Variants in KATNIP observed in about 807,000 individuals in gnomAD.
KATNIP encodes the protein katanin-interacting protein.
In KATNIP, 126 loss-of-function variants were observed where a neutral mutation model predicts 174.0. The observed-to-expected ratio is 0.72, with a 90% CI of 0.63 to 0.84. The LOEUF is 0.84. Ranked by LOEUF, KATNIP falls within the 40% of genes least tolerant of loss-of-function variation. The pLI, the probability that KATNIP is intolerant of heterozygous loss-of-function variation, is 0.00. For synonymous variants in KATNIP, 810 were observed against 835.7 expected, an observed-to-expected ratio of 0.97 and a Z score of 0.53; for missense variants, 1,958 against 2,109.7, an observed-to-expected ratio of 0.93 and a Z score of 1.41.
At chr16:27,587,023 G>T (rs1365666956) in intron 2 of KATNIP, among the ~76,000 whole-genome samples, 1 of 151,372 alleles carries the variant, frequency 6.6e-6, no homozygotes, top group Non-Finnish European at 1.5e-5. Context: ...CACTGAGGTG[G>T]AACGGTCCCG....
intron 6 of KATNIP, among the ~76,000 whole-genome samples, chr16:27,649,075 G>A (rs2077047656): frequency 6.6e-6 from 1 of 152,252 alleles, no homozygotes; most frequent in Non-Finnish European, 1.5e-5. Flanking sequence ...TTCCTAGAGG[G>A]AGTGACTTTT....
chr16:27,771,669 G>A lies in KATNIP; in HGVS notation c.4198+17G>A, dbSNP rs750069454. ...CCTGTGGCTGTATCCTTCTCCTCCC[G>A]CCCCACCAGCACATTCTGGGCCCCG... On this transcript the variant is annotated intron_variant, in intron 22 of 27. Coordinates refer to ENST00000261588, the MANE Select transcript of KATNIP (RefSeq NM_015202.5). 21 of 1,611,716 alleles carry A rather than the reference G, an allele frequency of 1.3e-5. No individual in the cohort carries two copies. Among genetic ancestry groups the A allele is most frequent in the South Asian group, 6.6e-5 (6 of 90,712 alleles).
chr16:27,639,449 G>A (rs1017841165), intron 5 of KATNIP, among the ~76,000 whole-genome samples: 1 of 152,218 alleles, frequency 6.6e-6, no homozygotes, highest in Admixed American at 6.5e-5. Flanking sequence ...GTGGACAGCG[G>A]CCTAATCAAC....
intron 6 of KATNIP, among the ~76,000 whole-genome samples, chr16:27,676,410 G>T (rs984222358): frequency 3.3e-5 from 5 of 152,114 alleles, no homozygotes; most frequent in Admixed American, 1.3e-4. Context: ...CTCTAAGATG[G>T]TAAAAGTGTT....
At chr16:27,655,220 ATATATAT>A (rs1567260146) in intron 6 of KATNIP, among the ~76,000 whole-genome samples, 2 of 91,660 alleles carry the variant, frequency 2.2e-5, no homozygotes, top group Non-Finnish European at 4.4e-5. Context: ...ATATATATAT[ATATATAT>A]ATTTTGTTTG....
chr16:27,725,684 A>G (rs1449872256), intron 14 of KATNIP, among the ~76,000 whole-genome samples: 2 of 152,128 alleles, frequency 1.3e-5, no homozygotes, highest in Non-Finnish European at 1.5e-5. Context: ...ACTCATCCAA[A>G]AAGTGGGCTT....
chr16:27,618,371 C>T (rs1317290239), intron 2 of KATNIP, 54 bp from the exon 3 acceptor site: 1 of 1,388,444 alleles, frequency 7.2e-7, no homozygotes, highest in African/African-American at 1.4e-5. Context: ...CCTGCACTCT[C>T]AGTCAGTGCT....
chr16:27,680,669 C>T (rs763005726), intron 7 of KATNIP, among the ~76,000 whole-genome samples: 17 of 142,892 alleles, frequency 1.2e-4, no homozygotes, highest in Non-Finnish European at 2.2e-4. Flanking sequence ...ACTACAAGCA[C>T]GTGCCAACAC....
rs943850372 is a variant in KATNIP, at chr16:27,699,663, G to A, written c.1179+64G>A. The A allele has an allele frequency of 4.4e-6, 7 of 1,608,110 alleles. No homozygotes were observed. In the African/African-American group the frequency reaches 9.3e-5, roughly 21 times the overall value. ...ATGTGCGTAGCTCCCGATGGTGCCA[G>A]GCAGAGATGAATGACAAAGCCCTAT... On this transcript the variant is annotated intron_variant, in intron 10 of 27. Coordinates refer to ENST00000261588, the MANE Select transcript of KATNIP (RefSeq NM_015202.5).
At chr16:27,632,955 G>T (rs1313187562) in intron 5 of KATNIP, among the ~76,000 whole-genome samples, 1 of 152,044 alleles carries the variant, frequency 6.6e-6, no homozygotes, top group East Asian at 1.9e-4. Context: ...TCACCATGTT[G>T]GCCAGGGTGG....
chr16:27,649,673 C>A (rs1423414978), intron 6 of KATNIP, among the ~76,000 whole-genome samples: 1 of 152,062 alleles, frequency 6.6e-6, no homozygotes. Context: ...TCTTAAGCAA[C>A]CTGTGCTCCA....
chr16:27,686,391 A>T (rs1485400182), intron 8 of KATNIP, among the ~76,000 whole-genome samples: 1 of 152,234 alleles, frequency 6.6e-6, no homozygotes, highest in Non-Finnish European at 1.5e-5. Context: ...TTTGTCTGAT[A>T]TAAAGCTACT....
intron 8 of KATNIP, among the ~76,000 whole-genome samples, chr16:27,694,809 A>AT (rs1370309539): frequency 2.2e-4 from 33 of 151,928 alleles, no homozygotes; most frequent in African/African-American, 8.0e-4. Flanking sequence ...AAATAAATAA[A>AT]TAAATAAATA....
chr16:27,703,940 ACT>A lies in KATNIP; in HGVS notation c.1334_1335del (p.Ser445CysfsTer57), dbSNP rs748726270. On this transcript the variant is annotated frameshift_variant, in exon 12 of 28. Coordinates refer to ENST00000261588, the MANE Select transcript of KATNIP (RefSeq NM_015202.5). LOFTEE classifies it high-confidence loss of function. ...AAAGTCCTCCAGGCCGTCGAAAGTG[ACT>A]CTGCCCATCTCGGCAGGGTGGTTTC... 1.2e-6 allele frequency: 2 copies of A among 1,613,988 alleles called. No individual in the cohort carries two copies. Among genetic ancestry groups the A allele is most frequent in the East Asian group, 2.2e-5 (1 of 44,892 alleles).
chr16:27,629,223 G>A (rs1467013360), intron 4 of KATNIP, among the ~76,000 whole-genome samples: 1 of 150,578 alleles, frequency 6.6e-6, no homozygotes, highest in South Asian at 2.1e-4. Context: ...TGTGAACAAC[G>A]AACACAAGTT....
intron 2 of KATNIP, among the ~76,000 whole-genome samples, chr16:27,617,011 T>C (rs1350865814): frequency 1.3e-5 from 2 of 150,954 alleles, no homozygotes; most frequent in Non-Finnish European, 2.9e-5. Context: ...GAGGAAGATA[T>C]ATATATCAAA....
intron 6 of KATNIP, among the ~76,000 whole-genome samples, chr16:27,655,098 C>T (rs2077225104): frequency 6.7e-6 from 1 of 149,026 alleles, no homozygotes; most frequent in Non-Finnish European, 1.5e-5. Context: ...TACTGCATGT[C>T]TGCCTGGATG....
Position 27,708,916 on chromosome 16 carries a change from T to A in KATNIP, c.1601T>A (p.Leu534Ter). 1 of 1,610,928 alleles carries A rather than the reference T, an allele frequency of 6.2e-7. No homozygotes were observed. Among genetic ancestry groups the A allele is most frequent in the Non-Finnish European group, 8.5e-7 (1 of 1,178,330 alleles). ...CTGGGCCGCCTCGTCAACAGGAACT[T>A]AGCTGTGAGTGGAAGGGGCACTGGA... Reference protein sequence around the residue: ...GELGRLVNRNLAGKKDSSPWT... With the variant: ...GELGRLVNRN The change falls in exon 13 of 28, where the codon TTA becomes TAA. Residue 534 changes from leucine to a stop codon, truncating the protein, a stop_gained. Transcript: ENST00000261588. LOFTEE classifies it high-confidence loss of function.
At chr16:27,735,386 T>G (rs1342139325) in intron 14 of KATNIP, among the ~76,000 whole-genome samples, 1 of 152,228 alleles carries the variant, frequency 6.6e-6, no homozygotes, top group African/African-American at 2.4e-5. Flanking sequence ...GTGACTGTGC[T>G]GGACTAGATG....
Sources: allele counts gnomAD v4.1 joint callset (sites outside exome capture counted in the v4.1 genomes callset), GRCh38; gene constraint gnomAD v4.1.1; transcripts MANE v1.5; gene names NCBI Gene and HGNC (gene_info 2026-07-23, HGNC 2026-07-21).